SORL1: variants seen among roughly 807,000 people sequenced by gnomAD.
SORL1 encodes the protein sortilin-related receptor.
SORL1 carries 127 observed loss-of-function variants against 273.7 expected under a neutral mutation model. The ratio of observed to expected loss-of-function variants is 0.46; its 90% CI spans 0.40 to 0.54. The LOEUF is 0.54. Among genes scored for constraint, SORL1 ranks in the 20% least tolerant of loss-of-function variants. The pLI is 0.00. For synonymous variants in SORL1, 1,031 were observed against 1,067.4 expected (o/e 0.97, Z 0.66); for missense variants, 2,494 against 2,846.1 (o/e 0.88, Z 2.81).
At chr11:121,481,031 C>T (rs76456057) in intron 3 of SORL1, among the ~76,000 whole-genome samples, 1 of 112,582 alleles carries the variant, frequency 8.9e-6, no homozygotes, top group Non-Finnish European at 1.8e-5. Flanking sequence ...GCTTCATCTC[C>T]TCCTCCCCAG....
chr11:121,483,134 A>G (rs1000233279), intron 3 of SORL1, among the ~76,000 whole-genome samples: 1 of 152,234 alleles, frequency 6.6e-6, no homozygotes, highest in South Asian at 2.1e-4. Flanking sequence ...TTGCTCTGCC[A>G]TACATCCTGG....
intron 32 of SORL1, among the ~76,000 whole-genome samples, chr11:121,599,912 A>G (rs1025338082): frequency 6.6e-6 from 1 of 151,980 alleles, no homozygotes; most frequent in Non-Finnish European, 1.5e-5. Context: ...TTGCTTTATC[A>G]TAAGTGGTCT....
intron 3 of SORL1, among the ~76,000 whole-genome samples, chr11:121,478,971 T>C (rs534041124): frequency 6.7e-6 from 1 of 149,880 alleles, no homozygotes; most frequent in South Asian, 2.1e-4. Context: ...TGCGCATGCT[T>C]GTGTGCACGT....
In SORL1 at chr11:121,563,870, A is replaced by G. The variant is rs1862713428; in HGVS notation, c.3050-3070A>G. On this transcript the variant is annotated intron_variant, in intron 21 of 47. Coordinates refer to ENST00000260197, the MANE Select transcript of SORL1 (RefSeq NM_003105.6). This position sits in a 1 kb window ranked among gnomAD's most constrained non-coding sequence, Gnocchi z 4.2. The stretch of plus-strand genomic sequence containing the variant: ...TTCTCCTTTAGAGCCTGCAGTAAGT[A>G]TGTGCTTTTAAGTATCTATAATGAG... 6.6e-6 allele frequency among the ~76,000 whole-genome samples: 1 copy of G among 152,140 alleles called. No individual in the cohort carries two copies. The highest frequency in any genetic ancestry group is 2.4e-5 in the African/African-American group (1 of 41,426).
intron 3 of SORL1, 132 bp downstream of exon 3, chr11:121,478,375 T>G (rs1861314642): frequency 9.1e-7 from 1 of 1,094,992 alleles, no homozygotes; most frequent in East Asian, 2.6e-5. Context: ...TAGTGAGTTT[T>G]TGTGCTAACC....
chr11:121,550,710 T>G lies in SORL1; in HGVS notation c.2266+40T>G, dbSNP rs1565333110. 1 of 1,524,552 alleles carries G rather than the reference T, an allele frequency of 6.6e-7. No individual in the cohort carries two copies. Among genetic ancestry groups the G allele is most frequent in the Non-Finnish European group, 9.1e-7 (1 of 1,101,910 alleles). The allele number at this position is 1,524,552 out of a possible 1,614,324, so 94.4% of individuals were successfully genotyped here. On this transcript the variant is annotated intron_variant, in intron 16 of 47. Transcript: ENST00000260197. The surrounding 1 kb of genome is among the most constrained non-coding windows in gnomAD (Gnocchi z 5.3). ...TTCTTCCCTTTCATTTCTTGAGACATGGTTGAAGCAGTATCACGATCTCAC... is the reference window on the plus strand; with the variant it reads ...TTCTTCCCTTTCATTTCTTGAGACAGGGTTGAAGCAGTATCACGATCTCAC...
chr11:121,508,115 C>G (rs1309325715), intron 6 of SORL1, among the ~76,000 whole-genome samples: 1 of 152,212 alleles, frequency 6.6e-6, no homozygotes, highest in Admixed American at 6.5e-5. Flanking sequence ...AGTCTCTCAG[C>G]CTTTGCTAAT....
intron 32 of SORL1, among the ~76,000 whole-genome samples, chr11:121,602,853 C>T (rs753774467): frequency 4.6e-5 from 7 of 152,330 alleles, no homozygotes; most frequent in African/African-American, 1.7e-4. Context: ...GCTTGGCCTA[C>T]GTGCAGAGAT....
chr11:121,564,480 T>C (rs551706892), intron 21 of SORL1, among the ~76,000 whole-genome samples: 2 of 152,352 alleles, frequency 1.3e-5, no homozygotes, highest in African/African-American at 4.8e-5. Flanking sequence ...GAATATTTGC[T>C]CTGCATATGA....
At chr11:121,480,958 T>A (rs112853453) in intron 3 of SORL1, among the ~76,000 whole-genome samples, 1 of 112,722 alleles carries the variant, frequency 8.9e-6, no homozygotes, top group South Asian at 3.3e-4. Flanking sequence ...CACAGATACC[T>A]ATAGGCAAGC....
At chr11:121,509,464 AATTT>A (rs1481845329) in intron 6 of SORL1, among the ~76,000 whole-genome samples, 4 of 152,028 alleles carry the variant, frequency 2.6e-5, no homozygotes, top group African/African-American at 7.2e-5. Context: ...TACCTAGATG[AATTT>A]ATTTATTTAA....
Position 121,555,721 on chromosome 11 carries a change from C to T in SORL1, c.2571+403C>T, listed in dbSNP as rs183742516. Among the ~76,000 whole-genome samples, 158 of 152,078 alleles carry T rather than the reference C, an allele frequency of 1.0e-3. 1 individual carries two copies. Among genetic ancestry groups the T allele is most frequent in the African/African-American group, 3.6e-3 (149 of 41,446 alleles). On this transcript the variant is annotated intron_variant, in intron 18 of 47. Coordinates refer to ENST00000260197, the MANE Select transcript of SORL1 (RefSeq NM_003105.6). ...AATAATCGTCTAGTATTATTTTATT[C>T]GATTAGAGTGATAGCAACAATATCA...
intron 41 of SORL1, among the ~76,000 whole-genome samples, chr11:121,616,854 G>A (rs1297615701): frequency 2.0e-5 from 3 of 152,252 alleles, no homozygotes; most frequent in African/African-American, 7.2e-5. Context: ...TGCCCAAGGT[G>A]GCCGGGATGC....
At chr11:121,615,163 C>T in intron 41 of SORL1, 108 bp downstream of exon 41, 1 of 883,144 alleles carries the variant, frequency 1.1e-6, no homozygotes, top group South Asian at 2.0e-5. Context: ...TTCCGGTGCC[C>T]CTGCTGCTCT....
chr11:121,525,815 G>A (rs186477909), intron 11 of SORL1, among the ~76,000 whole-genome samples: 4 of 152,200 alleles, frequency 2.6e-5, no homozygotes, highest in African/African-American at 9.6e-5. Context: ...TCGGACGGCT[G>A]AGGTAAGAGG....
intron 26 of SORL1, among the ~76,000 whole-genome samples, chr11:121,585,226 G>A (rs766710271): frequency 7.2e-5 from 11 of 152,138 alleles, no homozygotes; most frequent in Non-Finnish European, 1.6e-4. Context: ...GCTCACGCCT[G>A]TAATCCCAGC....
intron 21 of SORL1, among the ~76,000 whole-genome samples, chr11:121,566,431 C>T (rs1056120666): frequency 3.3e-5 from 5 of 152,096 alleles, no homozygotes; most frequent in African/African-American, 1.2e-4. Flanking sequence ...ATTCGAGCTA[C>T]CAGGCTCAAG....
rs1237901228 is a variant in SORL1 at position 121,583,515 on chromosome 11, C to G, written c.3638C>G (p.Pro1213Arg). The G allele has an allele frequency of 6.2e-7, 1 of 1,613,072 alleles. No individual in the cohort carries two copies. The highest frequency in any genetic ancestry group is 1.1e-5 in the South Asian group (1 of 90,968). Residue 1213 changes from proline (P) to arginine (R), a missense_variant, in exon 26 of 48, where the codon CCC becomes CGC. Physicochemically the swap from Pro to Arg is moderately radical, Grantham distance 103 (BLOSUM62 -2). This residue lies in a region of SORL1 where 1,609 missense variants were observed against 1,816.4 expected (regional missense o/e 0.89). Coordinates refer to ENST00000260197, the MANE Select transcript of SORL1 (RefSeq NM_003105.6). ...CAGTGCCGAAACGGGCACTGCATCC[C>G]CCAGCGGTGGGCGTGTGACGGGGAT... Reference protein sequence around the residue: ...NFQCRNGHCIPQRWACDGDTD... With the variant: ...NFQCRNGHCIRQRWACDGDTD...
chr11:121,468,786 T>C (rs575710118), intron 1 of SORL1, among the ~76,000 whole-genome samples: 5 of 152,278 alleles, frequency 3.3e-5, no homozygotes, highest in African/African-American at 1.2e-4. Context: ...GAATGTATGG[T>C]TCAGGTGTTC....
Sources: allele counts gnomAD v4.1 joint callset (sites outside exome capture counted in the v4.1 genomes callset), GRCh38; gene constraint gnomAD v4.1.1; regional missense constraint gnomAD v4.1.1; non-coding constraint Gnocchi (gnomAD v3.1); transcripts MANE v1.5; gene names NCBI Gene and HGNC (gene_info 2026-07-23, HGNC 2026-07-21).